Variants in MAGI2 observed in about 807,000 individuals in gnomAD.
MAGI2 encodes the protein membrane-associated guanylate kinase, WW and PDZ domain-containing protein 2.
Under a neutral mutation model 133.3 loss-of-function variants are expected in MAGI2, and 35 were observed. That is an observed-to-expected ratio of 0.26 (90% CI 0.20 to 0.35). MAGI2 has a LOEUF of 0.35. Among genes scored for constraint, MAGI2 ranks in the 10% least tolerant of loss-of-function variants. MAGI2 has a pLI of 1.00. For synonymous variants in MAGI2, 729 were observed against 710.6 expected, an observed-to-expected ratio of 1.03 and a Z score of -0.41; for missense variants, 1,636 against 1,863.4, an observed-to-expected ratio of 0.88 and a Z score of 2.25.
intron 1 of MAGI2, among the ~76,000 whole-genome samples, chr7:79,130,308 T>C (rs1370421014): frequency 6.6e-6 from 1 of 152,188 alleles, no homozygotes; most frequent in Admixed American, 6.5e-5. Flanking sequence ...AGTGAGACCC[T>C]GTCTCTAAAA....
At chr7:78,657,139 A>C (rs1340399821) in intron 2 of MAGI2, among the ~76,000 whole-genome samples, 1 of 152,190 alleles carries the variant, frequency 6.6e-6, no homozygotes, top group African/African-American at 2.4e-5. Context: ...ATACTACTAC[A>C]TGTCTATTAG....
intron 2 of MAGI2, among the ~76,000 whole-genome samples, chr7:78,825,565 A>G (rs188228538): frequency 4.0e-3 from 609 of 152,318 alleles, no homozygotes; most frequent in Non-Finnish European, 6.4e-3. Flanking sequence ...AGGATTACAA[A>G]ATTAGAGCTC....
chr7:78,659,686 T>C (rs1293651275), intron 2 of MAGI2, among the ~76,000 whole-genome samples: 2 of 152,070 alleles, frequency 1.3e-5, no homozygotes, highest in African/African-American at 2.4e-5. Flanking sequence ...CAACATGGGA[T>C]CTTCATGATG....
chr7:78,151,113 T>C (rs533881642), intron 16 of MAGI2, among the ~76,000 whole-genome samples: 1 of 150,204 alleles, frequency 6.7e-6, no homozygotes, highest in Admixed American at 6.7e-5. Context: ...TATTTGCACT[T>C]GTTTGCTTAC....
At chr7:78,682,332 T>C (rs986682289) in intron 2 of MAGI2, among the ~76,000 whole-genome samples, 1 of 152,080 alleles carries the variant, frequency 6.6e-6, no homozygotes, top group Non-Finnish European at 1.5e-5. Context: ...AATCGACCCG[T>C]CATCTACATT....
intron 2 of MAGI2, among the ~76,000 whole-genome samples, chr7:78,820,108 G>GA (rs1182792833): frequency 6.6e-6 from 1 of 151,726 alleles, no homozygotes. Context: ...TCATAAGCTT[G>GA]AAAAAATGGT....
intron 1 of MAGI2, among the ~76,000 whole-genome samples, chr7:79,266,532 T>C (rs1210336377): frequency 6.6e-6 from 1 of 151,988 alleles, no homozygotes; most frequent in African/African-American, 2.4e-5. Flanking sequence ...GAAGGTCTGG[T>C]TTGAAAAGCT....
chr7:79,153,110 G>A (rs1823423125), intron 1 of MAGI2, among the ~76,000 whole-genome samples: 1 of 152,238 alleles, frequency 6.6e-6, no homozygotes, highest in South Asian at 2.1e-4. Flanking sequence ...TCCTGGTAGA[G>A]CCTAGATTCT....
At chr7:78,749,164 A>G (rs1247454426) in intron 2 of MAGI2, among the ~76,000 whole-genome samples, 1 of 152,206 alleles carries the variant, frequency 6.6e-6, no homozygotes, top group East Asian at 1.9e-4. Flanking sequence ...TCTTCACCCA[A>G]GTTCAGAGGA....
At chr7:79,330,970 T>C (rs1840032957) in intron 1 of MAGI2, among the ~76,000 whole-genome samples, 2 of 152,190 alleles carry the variant, frequency 1.3e-5, no homozygotes, top group Non-Finnish European at 2.9e-5. Flanking sequence ...CTGGGGTGAA[T>C]ACAACTGGGA....
intron 6 of MAGI2, among the ~76,000 whole-genome samples, chr7:78,462,378 A>G (rs532958689): frequency 1.3e-5 from 2 of 152,346 alleles, no homozygotes; most frequent in East Asian, 3.9e-4. Context: ...ACAATGAAAA[A>G]TGTATCGCTA....
At chr7:79,075,238 G>A (rs1477435605) in intron 1 of MAGI2, among the ~76,000 whole-genome samples, 1 of 152,146 alleles carries the variant, frequency 6.6e-6, no homozygotes, top group Admixed American at 6.5e-5. Context: ...ACTCCTGGAT[G>A]TATTACTAAC....
intron 1 of MAGI2, among the ~76,000 whole-genome samples, chr7:79,248,272 G>A (rs372335941): frequency 1.3e-5 from 2 of 151,856 alleles, no homozygotes; most frequent in African/African-American, 4.8e-5. Context: ...AGACAAGGAA[G>A]GTCATTATAT....
chr7:78,291,578 T>C (rs1437481560), intron 9 of MAGI2, among the ~76,000 whole-genome samples: 1 of 152,148 alleles, frequency 6.6e-6, no homozygotes, highest in Non-Finnish European at 1.5e-5. Flanking sequence ...CCTAACTCAT[T>C]TTATGAGGCC....
chr7:79,282,666 C>A (rs1168382902), intron 1 of MAGI2, among the ~76,000 whole-genome samples: 1 of 152,040 alleles, frequency 6.6e-6, no homozygotes, highest in Non-Finnish European at 1.5e-5. Context: ...TTAGAAGAGT[C>A]TCTCAGGCAT....
chr7:79,043,605 C>T (rs1167234883), intron 1 of MAGI2, among the ~76,000 whole-genome samples: 1 of 129,644 alleles, frequency 7.7e-6, no homozygotes, highest in South Asian at 2.5e-4. Context: ...ATCAACAAAA[C>T]CAAAAGTTGG....
intron 16 of MAGI2, among the ~76,000 whole-genome samples, chr7:78,136,405 C>A (rs1022782258): frequency 3.3e-5 from 5 of 152,190 alleles, no homozygotes; most frequent in African/African-American, 1.2e-4. Context: ...CAGGCTTGAG[C>A]CACCATGCTC....
chr7:78,614,360 A>T (rs993995640), intron 3 of MAGI2: 5 of 151,840 alleles, frequency 3.3e-5, no homozygotes, highest in Admixed American at 6.6e-5. Context: ...AAAAAAATGG[A>T]TAAACTTGTA....
At chr7:78,322,817 T>C (rs11972221) in intron 9 of MAGI2, among the ~76,000 whole-genome samples, 36,312 of 151,998 alleles carry the variant, frequency 0.24, 5,805 homozygotes, top group African/African-American at 0.44. Context: ...TAAAGTTGTA[T>C]ATGAATATTA....
Sources: gnomAD v4.1 joint callset for allele counts (sites outside exome capture counted in the v4.1 genomes callset) on GRCh38, gnomAD v4.1.1 for gene constraint, MANE v1.5 for transcripts, NCBI Gene and HGNC (gene_info 2026-07-23, HGNC 2026-07-21) for gene names.